Variants in DIP2B observed in about 807,000 individuals in gnomAD.
DIP2B encodes DIP2 acetate--CoA ligase B (putative).
DIP2B carries 76 observed loss-of-function variants against 198.0 expected under a neutral mutation model. The observed-to-expected ratio is 0.38, with a 90% CI of 0.32 to 0.46. DIP2B has a LOEUF of 0.46. Ranked by LOEUF, DIP2B falls within the 20% of genes least tolerant of loss-of-function variation. The pLI is 0.99. For missense variants in DIP2B, 1,559 were observed against 1,978.4 expected, an observed-to-expected ratio of 0.79 and a Z score of 4.02; for synonymous variants, 701 against 739.1, an observed-to-expected ratio of 0.95 and a Z score of 0.84.
chr12:50,640,640 GTA>G, intron 2 of DIP2B, 82 bp from the exon 3 acceptor site: 1 of 1,463,462 alleles, frequency 6.8e-7, no homozygotes, highest in Non-Finnish European at 9.4e-7. Context: ...CTAGCTCAGA[GTA>G]TTGTGAGAAT....
At chr12:50,569,502 G>A (rs1433066527) in intron 1 of DIP2B, among the ~76,000 whole-genome samples, 4 of 152,278 alleles carry the variant, frequency 2.6e-5, no homozygotes, top group East Asian at 1.9e-4. Flanking sequence ...TGAATTGTTC[G>A]TTGGGCTCCT....
intron 14 of DIP2B, 93 bp from the exon 15 acceptor site, chr12:50,695,174 A>G: frequency 1.0e-6 from 1 of 952,680 alleles, no homozygotes; most frequent in Non-Finnish European, 1.6e-6. Context: ...TATTACTTGT[A>G]TAATTAAAAT....
At chr12:50,643,063 G>A (rs1938287138) in intron 3 of DIP2B, among the ~76,000 whole-genome samples, 1 of 146,926 alleles carries the variant, frequency 6.8e-6, no homozygotes, top group South Asian at 2.2e-4. Flanking sequence ...TGTGCGTTTT[G>A]TTTTTTTAAC....
At chr12:50,683,277 AG>A (rs1435367827) in intron 10 of DIP2B, 29 bp downstream of exon 10, 1 of 1,568,182 alleles carries the variant, frequency 6.4e-7, no homozygotes, top group East Asian at 2.3e-5. Context: ...AGAGGAATGT[AG>A]CCTGATGTGA....
chr12:50,510,267 T>TGGAAGAATGATTCACC (rs1958002659), intron 1 of DIP2B, among the ~76,000 whole-genome samples: 1 of 152,238 alleles, frequency 6.6e-6, no homozygotes, highest in Non-Finnish European at 1.5e-5. Context: ...ACAAATTCAC[T>TGGAAGAATGATTCACC]GGAAGAATGA....
chr12:50,588,434 G>A (rs913381742), intron 1 of DIP2B, among the ~76,000 whole-genome samples: 2 of 152,148 alleles, frequency 1.3e-5, no homozygotes, highest in African/African-American at 4.8e-5. Context: ...ACAGGCACGA[G>A]CCCCCGTGCC....
At chr12:50,590,155 G>A (rs1398200925) in intron 1 of DIP2B, among the ~76,000 whole-genome samples, 1 of 139,964 alleles carries the variant, frequency 7.1e-6, no homozygotes, top group Non-Finnish European at 1.6e-5. Flanking sequence ...ACCGTTTCTG[G>A]ATAATTTTTT....
chr12:50,626,012 C>A lies in DIP2B; in HGVS notation c.137C>A (p.Ser46Tyr). 6.2e-7 allele frequency: 1 copy of A among 1,614,050 alleles called. No individual in the cohort carries two copies. The highest frequency in any genetic ancestry group is 8.5e-7 in the Non-Finnish European group (1 of 1,179,986). ...ITQKGYEKKR[S>Y]KLLSPYSPQT... ...CAGAAGGGCTATGAAAAGAAAAGGT[C>A]CAAACTCCTATCTCCTTACAGCCCG... Residue 46 changes from serine (S) to tyrosine (Y), a missense_variant, in exon 2 of 38, where the codon TCC (serine) becomes TAC (tyrosine). Coordinates refer to ENST00000301180, the MANE Select transcript of DIP2B (RefSeq NM_173602.3).
chr12:50,527,159 A>G (rs1958174290), intron 1 of DIP2B, among the ~76,000 whole-genome samples: 2 of 152,230 alleles, frequency 1.3e-5, no homozygotes, highest in African/African-American at 4.8e-5. Flanking sequence ...TTGGAAAACC[A>G]TGGAAGTGAA....
At chr12:50,670,618 T>C (rs1371963887) in intron 4 of DIP2B, among the ~76,000 whole-genome samples, 1 of 152,120 alleles carries the variant, frequency 6.6e-6, no homozygotes, top group Admixed American at 6.5e-5. Flanking sequence ...GGTTTCACCG[T>C]GTTGGCCAGG....
At chr12:50,633,595 T>C (rs34861053) in intron 2 of DIP2B, among the ~76,000 whole-genome samples, 4,526 of 152,174 alleles carry the variant, frequency 0.03, 97 homozygotes, top group Non-Finnish European at 0.044. Flanking sequence ...TGAGACCTCA[T>C]CTCTACAAAA....
At chr12:50,519,294 T>G (rs1043156982) in intron 1 of DIP2B, among the ~76,000 whole-genome samples, 14 of 151,906 alleles carry the variant, frequency 9.2e-5, no homozygotes, top group African/African-American at 3.4e-4. Flanking sequence ...AGAGATGGGG[T>G]CTCACTGTAT....
In DIP2B at chr12:50,668,976, ATTC is replaced by A. The variant is rs530453006; in HGVS notation, c.428-2204_428-2202del. On this transcript the variant is annotated intron_variant, in intron 4 of 37. Coordinates refer to ENST00000301180, the MANE Select transcript of DIP2B (RefSeq NM_173602.3). ...ACCCCCCTTTTGCATGATAGATCTC[ATTC>A]TTCTTTATGGACCTCATCACTTTAT... 1.2e-3 allele frequency among the ~76,000 whole-genome samples: 187 copies of A among 152,072 alleles called. 1 individual carries two copies. Among genetic ancestry groups the A allele is most frequent in the African/African-American group, 4.3e-3 (177 of 41,480 alleles).
chr12:50,716,958 C>CTTTT (rs4026694), intron 23 of DIP2B, among the ~76,000 whole-genome samples: 21,116 of 58,514 alleles, frequency 0.36, 7,489 homozygotes, highest in South Asian at 0.46. Flanking sequence ...CGAATTGTTG[C>CTTTT]TTTTTTTTTT....
chr12:50,689,961 C>T (rs1010736506), intron 12 of DIP2B, among the ~76,000 whole-genome samples: 11 of 152,102 alleles, frequency 7.2e-5, no homozygotes, highest in African/African-American at 2.4e-4. Context: ...TTTGATATAA[C>T]AATCAAAAAA....
chr12:50,685,242 G>A (rs1939113014), intron 10 of DIP2B, among the ~76,000 whole-genome samples: 1 of 152,196 alleles, frequency 6.6e-6, no homozygotes, highest in African/African-American at 2.4e-5. Context: ...GAATTTGTGT[G>A]GTTTCATAAT....
rs73119173 is a variant in DIP2B, at chr12:50,632,814, C to T, written c.172+6767C>T. Reference sequence around the variant, plus strand: ...CTCCTCCCGAAGTGCTGAGATTACGCGTGAGCCACTGCACCTGGTCTAATC... The same window carrying T: ...CTCCTCCCGAAGTGCTGAGATTACGTGTGAGCCACTGCACCTGGTCTAATC... On this transcript the variant is annotated intron_variant, in intron 2 of 37. Coordinates refer to ENST00000301180, the MANE Select transcript of DIP2B (RefSeq NM_173602.3). 6.6e-3 allele frequency among the ~76,000 whole-genome samples: 1,004 copies of T among 152,132 alleles called. 6 individuals are homozygous for T. Among genetic ancestry groups the T allele is most frequent in the Non-Finnish European group, 0.011 (723 of 68,002 alleles).
intron 1 of DIP2B, among the ~76,000 whole-genome samples, chr12:50,547,073 G>A (rs2139381689): frequency 1.3e-5 from 2 of 152,132 alleles, no homozygotes; most frequent in Non-Finnish European, 2.9e-5. Context: ...ACCAACTTTG[G>A]TGAAATCCTT....
chr12:50,517,093 A>AT (rs910820982), intron 1 of DIP2B, among the ~76,000 whole-genome samples: 3 of 151,596 alleles, frequency 2.0e-5, no homozygotes, highest in Non-Finnish European at 4.4e-5. Context: ...ATTTTTTTGT[A>AT]TTTTTTTAGT....
Sources: gnomAD v4.1 joint callset for allele counts (sites outside exome capture counted in the v4.1 genomes callset) on GRCh38, gnomAD v4.1.1 for gene constraint, MANE v1.5 for transcripts, NCBI Gene and HGNC (gene_info 2026-07-23, HGNC 2026-07-21) for gene names.